Variants in GPC4 observed in about 807,000 individuals in gnomAD.
The protein encoded by GPC4 is glypican-4.
GPC4 carries 10 observed loss-of-function variants against 35.0 expected under a neutral mutation model. That is an observed-to-expected ratio of 0.29 (90% CI 0.18 to 0.48). The LOEUF is 0.48. GPC4 is among the 20% of genes least tolerant of loss of function. GPC4 has a pLI of 0.99. For missense variants in GPC4, 322 were observed against 451.3 expected, an observed-to-expected ratio of 0.71 and a Z score of 2.60; for synonymous variants, 167 against 170.2, an observed-to-expected ratio of 0.98 and a Z score of 0.15.
chrX:133,339,223 A>G lies in GPC4; in HGVS notation c.279T>C (p.His93=). ...FKSVVSEQCN[H]LQAVFASRYK... ...AACGTGAAGCAAAGACAGCTTGCAA[A>G]TGATTGCACTGTTCGCTGACCACAC... The change falls in exon 2 of 9, where the codon CAT becomes CAC. Residue 93 remains histidine (H), a synonymous_variant. Transcript: ENST00000370828. 1.7e-6 allele frequency: 2 copies of G among 1,211,386 alleles called. No homozygotes were observed. The highest frequency in any genetic ancestry group is 2.2e-6 in the Non-Finnish European group (2 of 895,255).
chrX:133,330,513 T>C (rs2068414478), intron 2 of GPC4, among the ~76,000 whole-genome samples: 1 of 110,642 alleles, frequency 9.0e-6, no homozygotes, highest in Non-Finnish European at 1.9e-5. Context: ...AGTCTGCATA[T>C]GTTTTTTTGT....
Position 133,305,901 on chromosome X carries a change from T to G in GPC4, c.1026A>C (p.Gly342=). ...GTCCAGCTGGGAGGGGCTTGGGGGG[T>G]CCACATCCCTGGAAAACCTGCATTA... The part of the protein sequence containing the change: ...QVSQKVFQGC[G]PPKPLPAGRI... Residue 342 remains glycine, a synonymous_variant, in exon 6 of 9, where the codon GGA becomes GGC. Transcript: ENST00000370828. 2.5e-6 allele frequency: 3 copies of G among 1,210,086 alleles called. No individual in the cohort carries two copies. Among genetic ancestry groups the G allele is most frequent in the Non-Finnish European group, 3.4e-6 (3 of 895,105 alleles).
At chrX:133,333,360 A>C (rs1187231304) in intron 2 of GPC4, among the ~76,000 whole-genome samples, 3 of 112,940 alleles carry the variant, frequency 2.7e-5, no homozygotes, top group Admixed American at 9.3e-5. Flanking sequence ...GGAGAGGCCC[A>C]AAGTTAAAGT....
chrX:133,311,181 G>A (rs2068312602), intron 4 of GPC4, 77 bp downstream of exon 4: 7 of 1,017,833 alleles, frequency 6.9e-6, no homozygotes, highest in Middle Eastern at 2.8e-4. Flanking sequence ...AAATTTCATA[G>A]CTGCCAATTA....
At chrX:133,319,468 AAAAGAAAGAAGG>A (rs1342760721) in intron 3 of GPC4, among the ~76,000 whole-genome samples, 12 of 106,109 alleles carry the variant, frequency 1.1e-4, no homozygotes, top group Admixed American at 7.2e-4. Flanking sequence ...AAAAAAAAAA[AAAAGAAAGAAGG>A]AAAGAAAGAA....
At chrX:133,369,091 T>C (rs1343531275) in intron 1 of GPC4, among the ~76,000 whole-genome samples, 2 of 112,006 alleles carry the variant, frequency 1.8e-5, no homozygotes, top group Admixed American at 9.5e-5. Context: ...TTAATCTTAG[T>C]CTACTCACAA....
intron 1 of GPC4, among the ~76,000 whole-genome samples, chrX:133,347,928 G>A (rs1477943283): frequency 8.9e-6 from 1 of 112,323 alleles, no homozygotes; most frequent in Non-Finnish European, 1.9e-5. Flanking sequence ...ATATAGCTCT[G>A]GAGGGCTTAA....
intron 1 of GPC4, among the ~76,000 whole-genome samples, chrX:133,341,721 A>C (rs1027197887): frequency 9.0e-6 from 1 of 111,310 alleles, no homozygotes; most frequent in Non-Finnish European, 1.9e-5. Context: ...TACACCTCAA[A>C]GCAAGAAAAT....
chrX:133,343,021 A>G (rs2124136484), intron 1 of GPC4, among the ~76,000 whole-genome samples: 1 of 111,528 alleles, frequency 9.0e-6, no homozygotes, highest in African/African-American at 3.3e-5. Flanking sequence ...AAGATGCCAC[A>G]ATTTTTCCTT....
chrX:133,387,378 A>C (rs2068696441), intron 1 of GPC4, among the ~76,000 whole-genome samples: 1 of 111,329 alleles, frequency 9.0e-6, no homozygotes, highest in South Asian at 3.8e-4. Context: ...GTCTGCCAGA[A>C]TGTAAACAGT....
intron 1 of GPC4, among the ~76,000 whole-genome samples, chrX:133,362,238 G>T (rs2068572362): frequency 9.2e-6 from 1 of 108,544 alleles, no homozygotes; most frequent in Non-Finnish European, 1.9e-5. Flanking sequence ...AGGAAGGAAA[G>T]GGGAGGAGAG....
chrX:133,343,627 G>C (rs762356781), intron 1 of GPC4, among the ~76,000 whole-genome samples: 5 of 111,150 alleles, frequency 4.5e-5, no homozygotes, highest in Non-Finnish European at 7.6e-5. Flanking sequence ...ATAGAAAAAA[G>C]GTCCCCCAGC....
Position 133,305,776 on chromosome X carries a change from C to T in GPC4, c.1151G>A (p.Arg384Gln), listed in dbSNP as rs1354378721. Residue 384 changes from arginine (R) to glutamine (Q), a missense_variant, in exon 6 of 9, where the codon CGA becomes CAA. Around this residue, in one of 3 missense-constraint regions of GPC4, gnomAD observed 163 missense variants for 277.2 expected, o/e 0.59. Transcript: ENST00000370828. ...PTTAAGTSLD[R>Q]LVTDVKEKLK... Reference sequence around the variant, plus strand: ...CCTTCCTGCCAAAACGCTCACCAGTCGGTCCAAACTAGTGCCAGCTGCTGT... The same window carrying T: ...CCTTCCTGCCAAAACGCTCACCAGTTGGTCCAAACTAGTGCCAGCTGCTGT... 5.8e-6 allele frequency: 7 copies of T among 1,211,135 alleles called. No homozygotes were observed. The highest frequency in any genetic ancestry group is 3.0e-5 in the East Asian group (1 of 33,842).
intron 3 of GPC4, among the ~76,000 whole-genome samples, chrX:133,319,473 A>G (rs1231805840): frequency 9.8e-6 from 1 of 101,856 alleles, no homozygotes; most frequent in Non-Finnish European, 2.0e-5. Flanking sequence ...AAAAAAAAAG[A>G]AAGAAGGAAA....
chrX:133,306,598 GC>G (rs1272239771), intron 4 of GPC4, among the ~76,000 whole-genome samples: 1 of 111,900 alleles, frequency 8.9e-6, no homozygotes, highest in African/African-American at 3.2e-5. Context: ...CAGTTAAGAT[GC>G]TGGCATATTA....
In GPC4 at chrX:133,303,229, G is replaced by A. The variant is rs748210042; in HGVS notation, c.1405C>T (p.Arg469Ter). ...ILILRQIMAL[R>*]VMTSKMKNAY... Reference sequence around the variant, plus strand: ...TTCTTCATCTTGCTGGTCATCACTCGAAGAGCCATGATTTGACGAAGGATC... The same window carrying A: ...TTCTTCATCTTGCTGGTCATCACTCAAAGAGCCATGATTTGACGAAGGATC... The change falls in exon 8 of 9, where the codon CGA becomes TGA. Residue 469 changes from arginine (R) to a stop codon, truncating the protein, a stop_gained. Transcript: ENST00000370828. LOFTEE classifies it high-confidence loss of function. 8.3e-7 allele frequency: 1 copy of A among 1,211,043 alleles called. No individual in the cohort carries two copies. The highest frequency in any genetic ancestry group is 2.3e-4 in the Middle Eastern group (1 of 4,355).
intron 1 of GPC4, among the ~76,000 whole-genome samples, chrX:133,343,572 C>T (rs2068475934): frequency 8.9e-6 from 1 of 111,843 alleles, no homozygotes; most frequent in Admixed American, 9.5e-5. Context: ...GCTTTTTGTA[C>T]ATGGCCCTTG....
chrX:133,303,408 A>C (rs2068276825), intron 7 of GPC4, 67 bp from the exon 8 acceptor site: 1 of 958,822 alleles, frequency 1.0e-6, no homozygotes, highest in Non-Finnish European at 1.5e-6. Flanking sequence ...TCTGCCTCCC[A>C]AAGTGCTGGG....
chrX:133,356,916 T>C (rs758355013), intron 1 of GPC4, among the ~76,000 whole-genome samples: 1 of 111,271 alleles, frequency 9.0e-6, no homozygotes, highest in East Asian at 2.8e-4. Context: ...ACTATCTAAC[T>C]ACATACTGTA....
Sources: allele counts gnomAD v4.1 joint callset (sites outside exome capture counted in the v4.1 genomes callset), GRCh38; gene constraint gnomAD v4.1.1; regional missense constraint gnomAD v4.1.1; transcripts MANE v1.5; gene names NCBI Gene and HGNC (gene_info 2026-07-23, HGNC 2026-07-21).